The following HIVEP2 variants were observed in gnomAD, a reference collection of about 807,000 sequenced individuals.
HIVEP2 encodes HIVEP zinc finger 2.
Under a neutral mutation model 180.7 loss-of-function variants are expected in HIVEP2, and 14 were observed. The ratio of observed to expected loss-of-function variants is 0.08; its 90% CI spans 0.05 to 0.12. The LOEUF (loss-of-function observed/expected upper bound fraction) is 0.12, where lower values mean the gene tolerates loss of function less well. Among genes scored for constraint, HIVEP2 ranks in the 10% least tolerant of loss-of-function variants. The pLI, the probability that HIVEP2 is intolerant of heterozygous loss-of-function variation, is 1.00. For missense variants in HIVEP2, 2,579 were observed against 3,008.5 expected (o/e 0.86, Z 3.34); for synonymous variants, 1,184 against 1,136.4 (o/e 1.04, Z -0.84).
In HIVEP2 at chr6:142,790,964, C is replaced by T. The variant is rs557781654; in HGVS notation, c.-527-7349G>A. Among the ~76,000 whole-genome samples the T allele has an allele frequency of 3.3e-5, 5 of 152,240 alleles. No homozygotes were observed. In the South Asian group the frequency reaches 8.3e-4, roughly 25 times the overall value. ...GTAGGTCTACACACAATAAAAATCT[C>T]TCAAAAAGAAATCAAGGCAAAGCCT... On this transcript the variant is annotated intron_variant, in intron 2 of 9. Coordinates refer to ENST00000367603, the MANE Select transcript of HIVEP2 (RefSeq NM_006734.4).
Position 142,761,645 on chromosome 6 carries a change from G to A in HIVEP2, c.5519-80C>T, listed in dbSNP as rs1024852898. ...TGCTGATAGCTGCTCCAAATTCAAT[G>A]TGAAATGAACTAATTTTATTAAATT... On this transcript the variant is annotated intron_variant, in intron 7 of 9. Transcript: ENST00000367603. 5 of 819,062 alleles carry A rather than the reference G, an allele frequency of 6.1e-6. No individual in the cohort carries two copies. The Admixed American group carries it at 6.9e-5, about 11-fold the overall frequency. The allele number at this position is 819,062 out of a possible 1,614,324, so 50.7% of individuals were successfully genotyped here. A position where few individuals can be genotyped will look rare whatever the true frequency, so the allele number is the denominator to read the frequency against.
chr6:142,760,293 G>C lies in HIVEP2; in HGVS notation c.5995C>G (p.Gln1999Glu), dbSNP rs201231052. Residue 1999 changes from glutamine to glutamate, a missense_variant, in exon 9 of 10, where the codon CAG becomes GAG. Gln to Glu is a conservative substitution (Grantham distance 29). Around this residue, in one of 11 missense-constraint regions of HIVEP2, gnomAD observed 660 missense variants for 731.7 expected, o/e 0.90. Coordinates refer to ENST00000367603, the MANE Select transcript of HIVEP2 (RefSeq NM_006734.4). ...SCEDTQMTEY[Q>E]RLFQSKSTDS... is the part of the protein sequence containing the mutation. ...GTACTTTTGCTCTGGAATAGCCTCTGGTATTCTGTCATCTGGGTATCTTCA... is the reference window on the plus strand; with the variant it reads ...GTACTTTTGCTCTGGAATAGCCTCTCGTATTCTGTCATCTGGGTATCTTCA... 6.2e-7 allele frequency: 1 copy of C among 1,614,072 alleles called. No individual in the cohort carries two copies. Among genetic ancestry groups the C allele is most frequent in the Admixed American group, 1.7e-5 (1 of 60,028 alleles).
chr6:142,942,754 C>T (rs769812040), intron 1 of HIVEP2, among the ~76,000 whole-genome samples: 126 of 152,134 alleles, frequency 8.3e-4, no homozygotes, highest in African/African-American at 2.9e-3. Context: ...AAATTGTCCC[C>T]GAATCAGTCA....
At chr6:142,827,261 C>A (rs1024239072) in intron 2 of HIVEP2, among the ~76,000 whole-genome samples, 1 of 151,956 alleles carries the variant, frequency 6.6e-6, no homozygotes, top group African/African-American at 2.4e-5. Flanking sequence ...AAATTTCACC[C>A]CTTTACATTT....
chr6:142,939,966 CTTCATATT>C (rs1232930499), intron 1 of HIVEP2, among the ~76,000 whole-genome samples: 1 of 152,118 alleles, frequency 6.6e-6, no homozygotes, highest in Non-Finnish European at 1.5e-5. Flanking sequence ...TACTCTTTTG[CTTCATATT>C]TTCATATCAC....
At position 142,764,803 on chromosome 6, in the gene HIVEP2, C is replaced by T. The variant is rs775848520; in HGVS notation, c.5514G>A (p.Thr1838=). ...VCKLCNFAFK[T]KGNLTKHMKS... ...TCAAAAAAATCAGACTTGTACCTTTCGTTTTGAAGGCAAAGTTACATAACT... is the reference window on the plus strand; with the variant it reads ...TCAAAAAAATCAGACTTGTACCTTTTGTTTTGAAGGCAAAGTTACATAACT... The change falls in exon 7 of 10, where the codon ACG becomes ACA. Residue 1838 remains threonine (T), a synonymous_variant. Transcript: ENST00000367603. 2.4e-5 allele frequency: 38 copies of T among 1,613,022 alleles called. No homozygotes were observed. The highest frequency in any genetic ancestry group is 8.8e-5 in the South Asian group (8 of 90,852).
At chr6:142,811,696 C>T (rs1318821451) in intron 2 of HIVEP2, among the ~76,000 whole-genome samples, 1 of 152,218 alleles carries the variant, frequency 6.6e-6, no homozygotes, top group Non-Finnish European at 1.5e-5. Context: ...ATTCTCTCCA[C>T]ACGGATTTCA....
At chr6:142,827,694 G>A (rs1774950323) in intron 2 of HIVEP2, among the ~76,000 whole-genome samples, 1 of 152,224 alleles carries the variant, frequency 6.6e-6, no homozygotes, top group South Asian at 2.1e-4. Context: ...GAAGGAGGAA[G>A]GAGGTAGCAG....
intron 1 of HIVEP2, among the ~76,000 whole-genome samples, chr6:142,869,464 C>T (rs569090985): frequency 3.3e-5 from 5 of 152,024 alleles, no homozygotes; most frequent in Admixed American, 6.6e-5. Context: ...AAATGTAATA[C>T]CCAAATCAAT....
In HIVEP2 at chr6:142,770,161, A is replaced by G. The variant is rs1775489610; in HGVS notation, c.4578T>C (p.Tyr1526=). The G allele has an allele frequency of 6.8e-6, 11 of 1,614,178 alleles. No individual in the cohort carries two copies. The South Asian group carries it at 9.9e-5, about 14-fold the overall frequency. ...SSLSPSSSQD[Y]PSVSPSSREP... is the part of the protein sequence containing the mutation. The stretch of plus-strand genomic sequence containing the variant: ...CCCTGGAAGACGGGCTAACAGAAGG[A>G]TAGTCTTGAGATGAGGAGGGCGACA... Residue 1526 remains tyrosine (Y), a synonymous_variant, in exon 5 of 10, where the codon TAT becomes TAC. Transcript: ENST00000367603. This position sits in a 1 kb window ranked among gnomAD's most constrained non-coding sequence, Gnocchi z 4.7.
chr6:142,778,214 G>A (rs1775754521), intron 3 of HIVEP2, among the ~76,000 whole-genome samples: 1 of 152,144 alleles, frequency 6.6e-6, no homozygotes, highest in Non-Finnish European at 1.5e-5. Context: ...CCCTCTGCAG[G>A]AAATGAGGCA....
chr6:142,777,159 C>A (rs967197064), intron 3 of HIVEP2, among the ~76,000 whole-genome samples: 3 of 152,124 alleles, frequency 2.0e-5, no homozygotes, highest in African/African-American at 7.2e-5. Context: ...CCTAGAAATT[C>A]CACTGCTGGA....
chr6:142,896,835 A>G (rs1261195775), intron 1 of HIVEP2, among the ~76,000 whole-genome samples: 1 of 152,064 alleles, frequency 6.6e-6, no homozygotes, highest in Non-Finnish European at 1.5e-5. Context: ...TTCCCTCTCC[A>G]ATGGCTCTAC....
chr6:142,817,549 A>G (rs1338598810), intron 2 of HIVEP2, among the ~76,000 whole-genome samples: 1 of 152,240 alleles, frequency 6.6e-6, no homozygotes, highest in East Asian at 1.9e-4. Flanking sequence ...TAAATATAAC[A>G]TTACTAATAA....
chr6:142,844,467 G>A (rs907814925), intron 1 of HIVEP2, among the ~76,000 whole-genome samples: 16 of 152,048 alleles, frequency 1.1e-4, no homozygotes, highest in African/African-American at 3.6e-4. Context: ...TCATCTTATT[G>A]TAAGCATTAA....
intron 1 of HIVEP2, among the ~76,000 whole-genome samples, chr6:142,846,485 A>G (rs1259635654): frequency 6.6e-6 from 1 of 152,128 alleles, no homozygotes; most frequent in Non-Finnish European, 1.5e-5. Flanking sequence ...AAATGCAAAC[A>G]TCATTGTTCC....
At chr6:142,936,389 A>T (rs1244288814) in intron 1 of HIVEP2, among the ~76,000 whole-genome samples, 1 of 151,778 alleles carries the variant, frequency 6.6e-6, no homozygotes, top group African/African-American at 2.4e-5. Context: ...ATGGGGTTTC[A>T]TCATATTGGC....
intron 1 of HIVEP2, among the ~76,000 whole-genome samples, chr6:142,939,777 C>G (rs540945532): frequency 6.6e-6 from 1 of 152,232 alleles, no homozygotes; most frequent in Non-Finnish European, 1.5e-5. Context: ...ATCTCTGTTG[C>G]TCATTCTGAC....
At chr6:142,784,440 G>T (rs1217206835) in intron 2 of HIVEP2, among the ~76,000 whole-genome samples, 1 of 152,130 alleles carries the variant, frequency 6.6e-6, no homozygotes, top group African/African-American at 2.4e-5. Context: ...GTGCTTAAAG[G>T]AAGTAGTTTG....
Sources: gnomAD v4.1 joint callset for allele counts (sites outside exome capture counted in the v4.1 genomes callset) on GRCh38, gnomAD v4.1.1 for gene constraint, gnomAD v4.1.1 regional missense constraint, Gnocchi (gnomAD v3.1) non-coding constraint, MANE v1.5 for transcripts, NCBI Gene and HGNC (gene_info 2026-07-23, HGNC 2026-07-21) for gene names.